Variants in CSRNP3 observed in about 807,000 individuals in gnomAD.
The protein encoded by CSRNP3 is cysteine/serine-rich nuclear protein 3.
CSRNP3 carries 12 observed loss-of-function variants against 48.0 expected under a neutral mutation model. That is an observed-to-expected ratio of 0.25 (90% CI 0.16 to 0.41). CSRNP3 has a LOEUF of 0.41. Ranked by LOEUF, CSRNP3 falls within the 10% of genes least tolerant of loss-of-function variation. CSRNP3 has a pLI of 1.00. For missense variants in CSRNP3, 580 were observed against 724.4 expected, an observed-to-expected ratio of 0.80 and a Z score of 2.29; for synonymous variants, 263 against 269.7, an observed-to-expected ratio of 0.98 and a Z score of 0.24.
At chr2:165,652,648 T>G (rs967864709) in intron 4 of CSRNP3, among the ~76,000 whole-genome samples, 6 of 152,128 alleles carry the variant, frequency 3.9e-5, no homozygotes, top group Non-Finnish European at 8.8e-5. Flanking sequence ...GCTCAAGTGA[T>G]GATTGTGCCT....
chr2:165,587,795 G>C (rs915772873), intron 3 of CSRNP3, among the ~76,000 whole-genome samples: 5 of 152,174 alleles, frequency 3.3e-5, no homozygotes, highest in Admixed American at 6.5e-5. Flanking sequence ...TTTGGGCTCA[G>C]TTTCATTTCT....
At chr2:165,622,693 G>C (rs909444554) in intron 4 of CSRNP3, among the ~76,000 whole-genome samples, 1 of 152,056 alleles carries the variant, frequency 6.6e-6, no homozygotes, top group Non-Finnish European at 1.5e-5. Flanking sequence ...AGAAAGAAAT[G>C]GTAGAAAAGA....
intron 3 of CSRNP3, among the ~76,000 whole-genome samples, chr2:165,554,312 T>C (rs1455716559): frequency 1.3e-5 from 2 of 152,216 alleles, no homozygotes; most frequent in African/African-American, 2.4e-5. Context: ...CTCTTTTTCC[T>C]ACCTGGGCTT....
chr2:165,655,862 A>G (rs796866485), intron 4 of CSRNP3, among the ~76,000 whole-genome samples: 35 of 152,318 alleles, frequency 2.3e-4, no homozygotes, highest in African/African-American at 8.2e-4. Flanking sequence ...TTTAACTTTT[A>G]TAAACACACC....
chr2:165,570,595 T>TAAA (rs199614203), intron 3 of CSRNP3, among the ~76,000 whole-genome samples: 3 of 143,958 alleles, frequency 2.1e-5, no homozygotes, highest in Non-Finnish European at 3.1e-5. Flanking sequence ...AGTAATGCAG[T>TAAA]AAAAAAAAAA....
chr2:165,648,778 A>G (rs924782376), intron 4 of CSRNP3, among the ~76,000 whole-genome samples: 2 of 152,202 alleles, frequency 1.3e-5, no homozygotes, highest in South Asian at 2.1e-4. Context: ...CATATTAATT[A>G]TTTATGACAT....
intron 4 of CSRNP3, among the ~76,000 whole-genome samples, 185 bp downstream of exon 4, chr2:165,595,398 T>G (rs1318248984): frequency 6.6e-6 from 1 of 152,208 alleles, no homozygotes; most frequent in Non-Finnish European, 1.5e-5. Flanking sequence ...TAGAATACTT[T>G]TTTGCAGTGG....
intron 2 of CSRNP3, among the ~76,000 whole-genome samples, chr2:165,507,640 C>T (rs1203315454): frequency 2.0e-5 from 3 of 152,088 alleles, no homozygotes; most frequent in African/African-American, 4.8e-5. Flanking sequence ...ATTGGCATTA[C>T]GTACTCCATG....
chr2:165,574,296 C>A, intron 3 of CSRNP3: 1 of 1,309,980 alleles, frequency 7.6e-7, no homozygotes, highest in Non-Finnish European at 1.1e-6. Context: ...TGGTGGAAAG[C>A]TGGATCAGTT....
intron 3 of CSRNP3, among the ~76,000 whole-genome samples, chr2:165,585,951 A>G (rs1028030040): frequency 3.9e-5 from 6 of 152,182 alleles, no homozygotes; most frequent in Non-Finnish European, 8.8e-5. Context: ...TCCTGATAGA[A>G]TACCCCCTAA....
At chr2:165,648,085 A>G (rs971188119) in intron 4 of CSRNP3, among the ~76,000 whole-genome samples, 1 of 152,106 alleles carries the variant, frequency 6.6e-6, no homozygotes, top group African/African-American at 2.4e-5. Flanking sequence ...TGTTTCCAAT[A>G]TTTTGCTCAA....
chr2:165,523,691 A>G (rs1341481728), intron 3 of CSRNP3, among the ~76,000 whole-genome samples: 1 of 152,020 alleles, frequency 6.6e-6, no homozygotes, highest in East Asian at 1.9e-4. Flanking sequence ...TTCTGTCTCT[A>G]TTCTTCCATC....
At chr2:165,537,840 T>A (rs55667014) in intron 3 of CSRNP3, among the ~76,000 whole-genome samples, 44,366 of 151,694 alleles carry the variant, frequency 0.29, 6,971 homozygotes, top group African/African-American at 0.39. Flanking sequence ...ATGACCTAGA[T>A]TTACCACTTG....
At chr2:165,673,160 CAG>C (rs1273767470) in intron 5 of CSRNP3, among the ~76,000 whole-genome samples, 1 of 13,718 alleles carries the variant, frequency 7.3e-5, no homozygotes, top group Non-Finnish European at 2.2e-4. Flanking sequence ...TTTTTTGAGA[CAG>C]GGCATCACTC....
intron 3 of CSRNP3, among the ~76,000 whole-genome samples, chr2:165,557,517 C>T (rs1237047603): frequency 6.6e-6 from 1 of 152,156 alleles, no homozygotes; most frequent in Non-Finnish European, 1.5e-5. Context: ...TAAAAGCATA[C>T]TTCATCTTGT....
At chr2:165,601,284 G>C (rs994782313) in intron 4 of CSRNP3, among the ~76,000 whole-genome samples, 3 of 152,086 alleles carry the variant, frequency 2.0e-5, no homozygotes, top group African/African-American at 7.2e-5. Context: ...CAAGGTTCTT[G>C]GCACTTCACA....
chr2:165,648,993 G>A (rs1017457841), intron 4 of CSRNP3, among the ~76,000 whole-genome samples: 1 of 152,164 alleles, frequency 6.6e-6, no homozygotes, highest in African/African-American at 2.4e-5. Flanking sequence ...AGACTGGGAG[G>A]AGAGCTGGTT....
At chr2:165,655,949 G>A (rs989862693) in intron 4 of CSRNP3, among the ~76,000 whole-genome samples, 1 of 152,204 alleles carries the variant, frequency 6.6e-6, no homozygotes, top group African/African-American at 2.4e-5. Context: ...ATTTCCAAAA[G>A]AGACTACATT....
chr2:165,650,128 G>A (rs1053580430), intron 4 of CSRNP3, among the ~76,000 whole-genome samples: 11 of 152,088 alleles, frequency 7.2e-5, no homozygotes, highest in African/African-American at 2.7e-4. Flanking sequence ...TACTTCTTTA[G>A]TATAAGTCTT....
Sources: allele counts gnomAD v4.1 joint callset (sites outside exome capture counted in the v4.1 genomes callset), GRCh38; gene constraint gnomAD v4.1.1; transcripts MANE v1.5; gene names NCBI Gene and HGNC (gene_info 2026-07-23, HGNC 2026-07-21).